PTPRT: variants seen among roughly 807,000 people sequenced by gnomAD.
The protein encoded by PTPRT is receptor-type tyrosine-protein phosphatase T.
In PTPRT, 56 loss-of-function variants were observed where a neutral mutation model predicts 176.8. The observed-to-expected ratio is 0.32, with a 90% CI of 0.26 to 0.40. PTPRT has a LOEUF of 0.40. Among genes scored for constraint, PTPRT ranks in the 10% least tolerant of loss-of-function variants. The pLI is 1.00. For missense variants in PTPRT, 1,540 were observed against 1,908.2 expected (o/e 0.81, Z 3.60); for synonymous variants, 783 against 739.0 (o/e 1.06, Z -0.96).
chr20:42,363,144 T>A (rs6016760), intron 9 of PTPRT, among the ~76,000 whole-genome samples: 105,210 of 132,490 alleles, frequency 0.79, 42,678 homozygotes, highest in African/African-American at 0.95. Flanking sequence ...ATATTTTTTT[T>A]AAAAAAAAGA....
chr20:42,739,507 G>A (rs531547819), intron 6 of PTPRT, among the ~76,000 whole-genome samples: 10 of 152,116 alleles, frequency 6.6e-5, no homozygotes, highest in Non-Finnish European at 1.3e-4. Flanking sequence ...TTGCAAGAGA[G>A]AGGGAAGGGG....
chr20:42,595,467 G>A (rs1048453709), intron 7 of PTPRT, among the ~76,000 whole-genome samples: 10 of 152,050 alleles, frequency 6.6e-5, no homozygotes, highest in Non-Finnish European at 4.4e-5. Context: ...GTAGCAAAAT[G>A]GCCCCTGGTT....
At chr20:42,163,265 A>T (rs1374932581) in intron 16 of PTPRT, among the ~76,000 whole-genome samples, 1 of 152,138 alleles carries the variant, frequency 6.6e-6, no homozygotes, top group African/African-American at 2.4e-5. Flanking sequence ...GTAGGTAAAC[A>T]TCTCCAAAGG....
chr20:42,141,667 C>T (rs1988637209), intron 18 of PTPRT, among the ~76,000 whole-genome samples: 1 of 152,172 alleles, frequency 6.6e-6, no homozygotes, highest in Non-Finnish European at 1.5e-5. Context: ...CCCCAAGAGG[C>T]TTCATGGTTC....
intron 11 of PTPRT, among the ~76,000 whole-genome samples, chr20:42,316,764 C>T (rs1445826267): frequency 2.0e-5 from 3 of 152,196 alleles, no homozygotes; most frequent in African/African-American, 4.8e-5. Flanking sequence ...CTGACTTATG[C>T]TTCCTCTACC....
chr20:42,302,787 G>C (rs1392692228), intron 12 of PTPRT, among the ~76,000 whole-genome samples: 1 of 152,148 alleles, frequency 6.6e-6, no homozygotes, highest in Non-Finnish European at 1.5e-5. Flanking sequence ...CCTTACAGAG[G>C]AGCTCATGAC....
rs1225142085 is a variant in PTPRT, at chr20:42,075,907, A to T, written c.*4972T>A. Reference sequence around the variant, plus strand: ...AAGTGGCTCTGGCAAGCTGTTACCCATCCTTTCTCCAGCTATGTCACAGAA... The same window carrying T: ...AAGTGGCTCTGGCAAGCTGTTACCCTTCCTTTCTCCAGCTATGTCACAGAA... On this transcript the variant is annotated 3_prime_UTR_variant, in exon 31 of 31. Transcript: ENST00000373187. 4 of 209,544 alleles carry T rather than the reference A, an allele frequency of 1.9e-5. No homozygotes were observed. Among genetic ancestry groups the T allele is most frequent in the African/African-American group, 9.1e-5 (4 of 43,972 alleles). 13.0% of individuals were successfully genotyped at this position (209,544 alleles called of 1,614,324 possible). A position where few individuals can be genotyped will look rare whatever the true frequency, so the allele number is the denominator to read the frequency against.
intron 7 of PTPRT, among the ~76,000 whole-genome samples, chr20:42,542,384 T>G (rs1179820729): frequency 6.7e-6 from 1 of 148,292 alleles, no homozygotes; most frequent in African/African-American, 2.4e-5. Flanking sequence ...GCACAGGAGA[T>G]AGTTTCCAGG....
intron 7 of PTPRT, among the ~76,000 whole-genome samples, chr20:42,648,822 T>TTTTTTTTTTGTTTTG (rs771304497): frequency 0.21 from 8,685 of 42,134 alleles, 424 homozygotes; most frequent in Middle Eastern, 0.33. Flanking sequence ...GTGTCGTTGT[T>TTTTTTTTTTGTTTTG]TTTTTTTTTT....
chr20:42,644,174 C>T (rs950938111), intron 7 of PTPRT, among the ~76,000 whole-genome samples: 4 of 152,094 alleles, frequency 2.6e-5, no homozygotes, highest in African/African-American at 9.7e-5. Context: ...GGTTTACAGC[C>T]CTGTTCTCAT....
intron 1 of PTPRT, among the ~76,000 whole-genome samples, chr20:43,019,738 C>T (rs1446125610): frequency 1.3e-5 from 2 of 151,738 alleles, no homozygotes; most frequent in African/African-American, 4.8e-5. Flanking sequence ...TCAATGCAGG[C>T]AGCACCATCC....
intron 1 of PTPRT, among the ~76,000 whole-genome samples, chr20:42,901,667 A>G (rs926331122): frequency 2.0e-5 from 3 of 152,136 alleles, no homozygotes; most frequent in East Asian, 3.9e-4. Flanking sequence ...AGTTCTGTGT[A>G]AGAAACACCA....
intron 1 of PTPRT, among the ~76,000 whole-genome samples, chr20:43,139,633 G>T (rs1437781736): frequency 6.6e-6 from 1 of 152,202 alleles, no homozygotes; most frequent in African/African-American, 2.4e-5. Flanking sequence ...AGCCAAGCCA[G>T]ACACTGGGCT....
intron 1 of PTPRT, among the ~76,000 whole-genome samples, chr20:43,056,420 G>C (rs1189569205): frequency 6.6e-6 from 1 of 152,200 alleles, no homozygotes; most frequent in Non-Finnish European, 1.5e-5. Context: ...CTCAAATCCA[G>C]AGCTTCTCCT....
chr20:43,029,539 G>A (rs530469571), intron 1 of PTPRT, among the ~76,000 whole-genome samples: 14 of 152,312 alleles, frequency 9.2e-5, no homozygotes, highest in Admixed American at 5.2e-4. Flanking sequence ...CAGTTAGATC[G>A]GGGTATCACT....
At chr20:42,555,945 TG>T (rs2072853613) in intron 7 of PTPRT, among the ~76,000 whole-genome samples, 1 of 152,194 alleles carries the variant, frequency 6.6e-6, no homozygotes, top group Admixed American at 6.5e-5. Flanking sequence ...AGGATTTTTC[TG>T]TTACCACCAT....
At position 42,754,700 on chromosome 20, in the gene PTPRT, G is replaced by C. The variant is rs547222462; in HGVS notation, c.859+1762C>G. ...GTAAACAAATTTAAAGATTTTTAAA[G>C]TTTTTTTTCATAAGTGCCTAACTTG... On this transcript the variant is annotated intron_variant, in intron 6 of 30. Coordinates refer to ENST00000373187, the MANE Select transcript of PTPRT (RefSeq NM_007050.6). Among the ~76,000 whole-genome samples, 10 of 152,182 alleles carry C rather than the reference G, an allele frequency of 6.6e-5. No homozygotes were observed. In the South Asian group the frequency reaches 2.1e-3, roughly 32 times the overall value.
intron 6 of PTPRT, among the ~76,000 whole-genome samples, chr20:42,732,301 T>TA (rs2076473355): frequency 6.6e-6 from 1 of 152,230 alleles, no homozygotes; most frequent in Non-Finnish European, 1.5e-5. Flanking sequence ...AAAGCTCTAT[T>TA]AGGCAGCTCT....
chr20:42,396,152 C>T (rs1391193491), intron 9 of PTPRT, among the ~76,000 whole-genome samples: 1 of 152,196 alleles, frequency 6.6e-6, no homozygotes. Context: ...CCTGCTCATT[C>T]CAGTGTCTTT....
Sources: allele counts gnomAD v4.1 joint callset (sites outside exome capture counted in the v4.1 genomes callset), GRCh38; gene constraint gnomAD v4.1.1; transcripts MANE v1.5; gene names NCBI Gene and HGNC (gene_info 2026-07-23, HGNC 2026-07-21).